Variants in EDA observed in about 807,000 individuals in gnomAD.
The protein encoded by EDA is ectodysplasin-A.
In EDA, 2 loss-of-function variants were observed where a neutral mutation model predicts 23.6. The ratio of observed to expected loss-of-function variants is 0.08; its 90% CI spans 0.03 to 0.27. The LOEUF (loss-of-function observed/expected upper bound fraction) is 0.27. Among genes scored for constraint, EDA ranks in the 10% least tolerant of loss-of-function variants. EDA has a pLI of 1.00. For synonymous variants in EDA, 131 were observed against 132.0 expected, an observed-to-expected ratio of 0.99 and a Z score of 0.05; for missense variants, 229 against 324.2, an observed-to-expected ratio of 0.71 and a Z score of 2.26.
chrX:69,628,285 T>C (rs1672561796), intron 1 of EDA, among the ~76,000 whole-genome samples: 1 of 111,743 alleles, frequency 8.9e-6, no homozygotes, highest in African/African-American at 3.3e-5. Context: ...ACTTTTGCTA[T>C]GTAGTCTAAA....
intron 1 of EDA, among the ~76,000 whole-genome samples, chrX:69,839,041 C>A (rs2075565769): frequency 8.9e-6 from 1 of 112,173 alleles, no homozygotes; most frequent in South Asian, 3.7e-4. Flanking sequence ...CCGAACTAAT[C>A]AGCATTTTAA....
intron 1 of EDA, among the ~76,000 whole-genome samples, chrX:69,667,240 G>A (rs1188850696): frequency 9.4e-6 from 1 of 106,644 alleles, no homozygotes; most frequent in Non-Finnish European, 1.9e-5. Flanking sequence ...AGCCTCCTGA[G>A]TAGCTGAGAC....
intron 1 of EDA, among the ~76,000 whole-genome samples, chrX:69,794,763 G>A (rs780307338): frequency 9.0e-6 from 1 of 111,682 alleles, no homozygotes; most frequent in East Asian, 2.8e-4. Flanking sequence ...AGTGAACTAG[G>A]TAATTCATTG....
intron 1 of EDA, among the ~76,000 whole-genome samples, chrX:69,721,301 G>T (rs920529497): frequency 1.8e-5 from 2 of 112,126 alleles, no homozygotes; most frequent in African/African-American, 6.5e-5. Flanking sequence ...GGGTTTGTGA[G>T]ATAAAGAAGC....
chrX:69,846,426 C>T (rs1344100247), intron 1 of EDA, among the ~76,000 whole-genome samples: 1 of 110,764 alleles, frequency 9.0e-6, no homozygotes, highest in Non-Finnish European at 1.9e-5. Flanking sequence ...TCCCGAGCAG[C>T]TGGGATTACA....
chrX:70,017,424 G>A (rs1468167695), intron 2 of EDA, among the ~76,000 whole-genome samples: 5 of 111,241 alleles, frequency 4.5e-5, no homozygotes, highest in Non-Finnish European at 9.4e-5. Context: ...CAATATCCTT[G>A]TTGAACATAA....
intron 1 of EDA, among the ~76,000 whole-genome samples, chrX:69,786,894 T>G (rs2015205520): frequency 9.3e-6 from 1 of 107,690 alleles, no homozygotes. Flanking sequence ...AGTGGGGTGT[T>G]AAAGTCTCCC....
chrX:69,695,391 A>G (rs2011298401), intron 1 of EDA, among the ~76,000 whole-genome samples: 1 of 111,729 alleles, frequency 9.0e-6, no homozygotes, highest in South Asian at 3.7e-4. Context: ...TGACTGTGAA[A>G]TAACAGTAAT....
intron 1 of EDA, among the ~76,000 whole-genome samples, chrX:69,773,383 G>T (rs963537760): frequency 8.9e-6 from 1 of 111,885 alleles, no homozygotes; most frequent in Non-Finnish European, 1.9e-5. Flanking sequence ...TGGTGTACAA[G>T]TGTCTATTTG....
chrX:69,745,625 T>C (rs1323080122), intron 1 of EDA, among the ~76,000 whole-genome samples: 2 of 111,651 alleles, frequency 1.8e-5, no homozygotes, highest in Non-Finnish European at 3.8e-5. Flanking sequence ...ACTAGTGGAG[T>C]TGACTTATCA....
At chrX:69,764,152 G>T (rs1466216740) in intron 1 of EDA, among the ~76,000 whole-genome samples, 1 of 106,641 alleles carries the variant, frequency 9.4e-6, no homozygotes, top group Non-Finnish European at 1.9e-5. Flanking sequence ...GTCTAGCAAT[G>T]AACCTTGCTC....
chrX:69,909,827 T>C (rs1394571945), intron 1 of EDA, among the ~76,000 whole-genome samples: 1 of 112,428 alleles, frequency 8.9e-6, no homozygotes, highest in African/African-American at 3.2e-5. Context: ...CCTGAAAAGA[T>C]TAAGGATAGT....
chrX:69,990,974 G>T (rs2019580744), intron 2 of EDA, among the ~76,000 whole-genome samples: 1 of 110,025 alleles, frequency 9.1e-6, no homozygotes, highest in African/African-American at 3.3e-5. Context: ...CTATATTTTA[G>T]CCCATTTAGC....
intron 1 of EDA, among the ~76,000 whole-genome samples, chrX:69,920,531 G>T (rs1425736921): frequency 3.6e-5 from 4 of 111,066 alleles, no homozygotes; most frequent in Non-Finnish European, 5.7e-5. Context: ...TACTAGTTAG[G>T]TATTTTGCAG....
intron 1 of EDA, among the ~76,000 whole-genome samples, chrX:69,731,900 A>G (rs1484071205): frequency 9.0e-6 from 1 of 111,644 alleles, no homozygotes; most frequent in East Asian, 2.8e-4. Flanking sequence ...TAGATTTTTC[A>G]TAGATGCTCT....
intron 1 of EDA, among the ~76,000 whole-genome samples, chrX:69,669,858 T>C (rs1282216525): frequency 1.8e-5 from 2 of 111,406 alleles, no homozygotes; most frequent in Non-Finnish European, 3.8e-5. Context: ...CAGTTTCTAT[T>C]GTTGCTATCT....
At chrX:69,694,003 G>T (rs1366360212) in intron 1 of EDA, among the ~76,000 whole-genome samples, 1 of 111,792 alleles carries the variant, frequency 8.9e-6, no homozygotes, top group Non-Finnish European at 1.9e-5. Flanking sequence ...GTCTTCCAAG[G>T]ATTATGGGTT....
rs2019825860 is a variant in EDA at position 70,008,009 on chromosome X, A to T, written c.503-15209A>T. ...TATAATTGCTACTTAGTTCTAGAAG[A>T]TTTTTGTTGATTCCTTGGGATTTTC... is the stretch of plus-strand genomic sequence containing the variant. On this transcript the variant is annotated intron_variant, in intron 2 of 7. Coordinates refer to ENST00000374552, the MANE Select transcript of EDA (RefSeq NM_001399.5). 2.7e-5 allele frequency among the ~76,000 whole-genome samples: 3 copies of T among 112,095 alleles called. No individual in the cohort carries two copies. The South Asian group carries it at 1.1e-3, about 41-fold the overall frequency.
At chrX:69,959,174 T>C (rs1022339555) in intron 2 of EDA, among the ~76,000 whole-genome samples, 1 of 112,252 alleles carries the variant, frequency 8.9e-6, no homozygotes, top group Non-Finnish European at 1.9e-5. Flanking sequence ...TCATTAATTT[T>C]TAGCACTTCT....
Sources: gnomAD v4.1 joint callset for allele counts (sites outside exome capture counted in the v4.1 genomes callset) on GRCh38, gnomAD v4.1.1 for gene constraint, MANE v1.5 for transcripts, NCBI Gene and HGNC (gene_info 2026-07-23, HGNC 2026-07-21) for gene names.